PRKCH: variants seen among roughly 807,000 people sequenced by gnomAD.
PRKCH encodes protein kinase C eta type.
Under a neutral mutation model 82.5 loss-of-function variants are expected in PRKCH, and 28 were observed. The ratio of observed to expected loss-of-function variants is 0.34; its 90% CI spans 0.25 to 0.47. The LOEUF is 0.47. Among genes scored for constraint, PRKCH ranks in the 20% least tolerant of loss-of-function variants. The pLI, the probability that PRKCH is intolerant of heterozygous loss-of-function variation, is 1.00. For synonymous variants in PRKCH, 322 were observed against 327.4 expected, an observed-to-expected ratio of 0.98 and a Z score of 0.18; for missense variants, 705 against 881.8, an observed-to-expected ratio of 0.80 and a Z score of 2.54.
intron 1 of PRKCH, among the ~76,000 whole-genome samples, chr14:61,236,871 G>A (rs753801376): frequency 1.1e-4 from 17 of 151,982 alleles, no homozygotes; most frequent in Non-Finnish European, 2.2e-4. Context: ...TACCTTATAT[G>A]GTCTAAAAAG....
intron 2 of PRKCH, among the ~76,000 whole-genome samples, chr14:61,416,590 G>C (rs1397007753): frequency 6.6e-6 from 1 of 152,112 alleles, no homozygotes; most frequent in Non-Finnish European, 1.5e-5. Context: ...TGAAGAAGAT[G>C]ATGAGGCCTT....
rs950438545 is a variant in PRKCH at position 61,489,500 on chromosome 14, T to C, written c.1433+3844T>C. 2.0e-5 allele frequency among the ~76,000 whole-genome samples: 3 copies of C among 152,236 alleles called. No homozygotes were observed. The East Asian group carries it at 5.8e-4, about 29-fold the overall frequency. ...TTGTGTTCTGACCCTGATTCTCAGATGTATTCACTTGTATTTTGTGGAGGA... is the reference window on the plus strand; with the variant it reads ...TTGTGTTCTGACCCTGATTCTCAGACGTATTCACTTGTATTTTGTGGAGGA... On this transcript the variant is annotated intron_variant, in intron 10 of 13. Transcript: ENST00000332981.
In PRKCH at chr14:61,386,804, G is replaced by C. The variant is rs79678728; in HGVS notation, c.364-4421G>C. On this transcript the variant is annotated intron_variant, in intron 1 of 13. Coordinates refer to ENST00000332981, the MANE Select transcript of PRKCH (RefSeq NM_006255.5). Reference sequence around the variant, plus strand: ...GCACGGATGTTAGAAGGCATAGAGGGATGTGATAATTGTTGTCGAATATTT... The same window carrying C: ...GCACGGATGTTAGAAGGCATAGAGGCATGTGATAATTGTTGTCGAATATTT... Among the ~76,000 whole-genome samples the C allele has an allele frequency of 2.9e-3, 448 of 152,304 alleles. 3 individuals are homozygous for C. Among genetic ancestry groups the C allele is most frequent in the African/African-American group, 0.01 (435 of 41,560 alleles).
intron 1 of PRKCH, among the ~76,000 whole-genome samples, chr14:61,338,294 G>A (rs548298888): frequency 1.2e-4 from 19 of 152,276 alleles, no homozygotes; most frequent in Middle Eastern, 6.8e-3. Flanking sequence ...TTGAGTCTGA[G>A]TCATGATTCA....
intron 2 of PRKCH, among the ~76,000 whole-genome samples, chr14:61,391,538 G>C (rs1401680764): frequency 6.6e-6 from 1 of 152,154 alleles, no homozygotes; most frequent in African/African-American, 2.4e-5. Flanking sequence ...TTTGTTTTTA[G>C]CCAGTGTCAT....
intron 1 of PRKCH, among the ~76,000 whole-genome samples, chr14:61,365,626 AT>A (rs956313140): frequency 4.6e-5 from 7 of 151,598 alleles, no homozygotes; most frequent in African/African-American, 9.7e-5. Flanking sequence ...TCTGTATTTG[AT>A]TTTTTTTTAA....
chr14:61,363,831 GACTC>G (rs1211462404), intron 1 of PRKCH, among the ~76,000 whole-genome samples: 1 of 151,628 alleles, frequency 6.6e-6, no homozygotes, highest in Non-Finnish European at 1.5e-5. Flanking sequence ...TTCTAGAAAA[GACTC>G]AGAAGAATGG....
Position 61,337,163 on chromosome 14 carries a change from A to G in PRKCH, c.363+14699A>G, listed in dbSNP as rs1486665029. 3.6e-4 allele frequency among the ~76,000 whole-genome samples: 11 copies of G among 30,926 alleles called. No individual in the cohort carries two copies. The South Asian group carries it at 4.6e-3, about 13-fold the overall frequency. 20.3% of individuals were successfully genotyped at this position (30,926 alleles called of 152,430 possible). A position where few individuals can be genotyped will look rare whatever the true frequency, so the allele number is the denominator to read the frequency against. On this transcript the variant is annotated intron_variant, in intron 1 of 13. Coordinates refer to ENST00000332981, the MANE Select transcript of PRKCH (RefSeq NM_006255.5). Reference sequence around the variant, plus strand: ...CAATTTTTTTTTTTTTTTTTTTTTGAGACAGGGTCTCACTGTGTCCCCCAG... The same window carrying G: ...CAATTTTTTTTTTTTTTTTTTTTTGGGACAGGGTCTCACTGTGTCCCCCAG...
chr14:61,220,599 T>C (rs1317022358), intron 1 of PRKCH, among the ~76,000 whole-genome samples: 1 of 152,150 alleles, frequency 6.6e-6, no homozygotes, highest in Non-Finnish European at 1.5e-5. Context: ...GTGAAGAGCT[T>C]AGCTAGGATG....
chr14:61,429,858 A>G (rs1234196024), intron 2 of PRKCH, among the ~76,000 whole-genome samples: 2 of 152,176 alleles, frequency 1.3e-5, no homozygotes, highest in East Asian at 1.9e-4. Context: ...ATTTTTGTCT[A>G]TCTGCTGGCC....
chr14:61,210,111 A>AT (rs2044559213), intron 1 of PRKCH, among the ~76,000 whole-genome samples: 3 of 87,360 alleles, frequency 3.4e-5, no homozygotes, highest in African/African-American at 1.2e-4. Flanking sequence ...CAAACAAACA[A>AT]ATATATATAT....
chr14:61,500,741 A>G (rs2139949701), intron 10 of PRKCH, among the ~76,000 whole-genome samples: 1 of 152,164 alleles, frequency 6.6e-6, no homozygotes, highest in African/African-American at 2.4e-5. Flanking sequence ...AAAGGTGGAT[A>G]TTTTCCTCTC....
chr14:61,224,072 T>C (rs961890749), intron 1 of PRKCH, among the ~76,000 whole-genome samples: 3 of 152,212 alleles, frequency 2.0e-5, no homozygotes, highest in East Asian at 1.9e-4. Flanking sequence ...ATTTTAACAG[T>C]GTGCACTGAG....
At chr14:61,405,699 G>T (rs1158930781) in intron 2 of PRKCH, among the ~76,000 whole-genome samples, 1 of 152,168 alleles carries the variant, frequency 6.6e-6, no homozygotes, top group African/African-American at 2.4e-5. Flanking sequence ...TCTTGAACTT[G>T]TGGTGAACTA....
intron 1 of PRKCH, among the ~76,000 whole-genome samples, chr14:61,265,472 C>T (rs1166003927): frequency 2.6e-5 from 4 of 152,116 alleles, no homozygotes; most frequent in Non-Finnish European, 5.9e-5. Flanking sequence ...CAGAGCATAA[C>T]CTTGTCTCAA....
At position 61,436,063 on chromosome 14, in the gene PRKCH, A is replaced by G. The variant is rs535418517; in HGVS notation, c.428-7048A>G. 1.5e-4 allele frequency among the ~76,000 whole-genome samples: 23 copies of G among 152,296 alleles called. No individual in the cohort carries two copies. The South Asian group carries it at 4.8e-3, about 32-fold the overall frequency. On this transcript the variant is annotated intron_variant, in intron 2 of 13. Coordinates refer to ENST00000332981, the MANE Select transcript of PRKCH (RefSeq NM_006255.5). Reference sequence around the variant, plus strand: ...AATGGGAGGTCAGGACTCTCCTCCCATCCTGATGTGGCAAGAGGCTTTTCT... The same window carrying G: ...AATGGGAGGTCAGGACTCTCCTCCCGTCCTGATGTGGCAAGAGGCTTTTCT...
intron 12 of PRKCH, among the ~76,000 whole-genome samples, chr14:61,540,767 A>C (rs1454984833): frequency 6.6e-6 from 1 of 152,146 alleles, no homozygotes; most frequent in Non-Finnish European, 1.5e-5. Context: ...GTCCATTGCC[A>C]TGAGTGTGCA....
At chr14:61,284,207 G>A (rs1594891093) in intron 1 of PRKCH, among the ~76,000 whole-genome samples, 1 of 152,184 alleles carries the variant, frequency 6.6e-6, no homozygotes, top group Non-Finnish European at 1.5e-5. Context: ...TTGGGCTCCC[G>A]CACCTCAGGC....
chr14:61,422,886 C>A (rs1479909092), intron 2 of PRKCH, among the ~76,000 whole-genome samples: 1 of 152,148 alleles, frequency 6.6e-6, no homozygotes. Flanking sequence ...TATGCACACA[C>A]CCCCACATAC....
Sources: gnomAD v4.1 joint callset for allele counts (sites outside exome capture counted in the v4.1 genomes callset) on GRCh38, gnomAD v4.1.1 for gene constraint, MANE v1.5 for transcripts, NCBI Gene and HGNC (gene_info 2026-07-23, HGNC 2026-07-21) for gene names.